The following CLIC5 variants were observed in gnomAD, a reference collection of about 807,000 sequenced individuals.
CLIC5 encodes the protein chloride intracellular channel protein 5.
In CLIC5, 20 loss-of-function variants were observed where a neutral mutation model predicts 24.7. The ratio of observed to expected loss-of-function variants is 0.81; its 90% CI spans 0.57 to 1.18. The LOEUF is 1.18. Ranked by LOEUF, CLIC5 falls within the 50% of genes most tolerant of loss-of-function variation. The pLI is 0.00. For synonymous variants in CLIC5, 159 were observed against 135.6 expected (o/e 1.17, Z -1.20); for missense variants, 341 against 326.1 (o/e 1.05, Z -0.35).
the CLIC5 span, among the ~76,000 whole-genome samples, chr6:46,117,141 T>A: frequency 6.6e-6 from 1 of 152,022 alleles, no homozygotes; most frequent in Non-Finnish European, 1.5e-5. Flanking sequence ...CAGAGCCCCA[T>A]GTTTCATGCA....
intron 1 of CLIC5, among the ~76,000 whole-genome samples, chr6:46,052,694 A>G (rs1768137905): frequency 6.6e-6 from 1 of 152,162 alleles, no homozygotes; most frequent in South Asian, 2.1e-4. Flanking sequence ...TTTGCCAGAC[A>G]GCAGCCAACT....
At chr6:46,096,879 A>G in the CLIC5 span, among the ~76,000 whole-genome samples, 3 of 152,254 alleles carry the variant, frequency 2.0e-5, no homozygotes, top group Non-Finnish European at 2.9e-5. Flanking sequence ...AAACAAATCT[A>G]TAGTTTGTTA....
chr6:46,020,905 A>G (rs888633972), intron 1 of CLIC5, among the ~76,000 whole-genome samples: 5 of 151,956 alleles, frequency 3.3e-5, no homozygotes, highest in African/African-American at 1.2e-4. Context: ...TTTATTAAAC[A>G]TATTAAATTC....
intron 1 of CLIC5, among the ~76,000 whole-genome samples, chr6:46,057,873 A>G (rs1441466623): frequency 6.6e-6 from 1 of 152,126 alleles, no homozygotes; most frequent in Non-Finnish European, 1.5e-5. Flanking sequence ...CTATTTTATG[A>G]ACTACTTGTT....
chr6:45,992,420 T>A (rs188039440), intron 1 of CLIC5, among the ~76,000 whole-genome samples: 32 of 152,308 alleles, frequency 2.1e-4, no homozygotes, highest in Middle Eastern at 3.4e-3. Context: ...CAGTTTATTT[T>A]AAAAAAATAT....
intron 1 of CLIC5, among the ~76,000 whole-genome samples, chr6:46,067,244 C>T (rs538382085): frequency 3.9e-5 from 6 of 152,152 alleles, no homozygotes; most frequent in South Asian, 2.1e-4. Flanking sequence ...CCACAGGACA[C>T]GGAGCTACCG....
rs113759266 is a variant in CLIC5 at position 46,052,709 on chromosome 6, C to T, written c.540+26994G>A. Among the ~76,000 whole-genome samples, 25 of 152,238 alleles carry T rather than the reference C, an allele frequency of 1.6e-4. No homozygotes were observed. The South Asian group carries it at 3.5e-3, about 21-fold the overall frequency. ...TTTGCCAGACAGCAGCCAACTCCCA[C>T]ATCCCAGCTCTGTGCAGTGCACTGG... On this transcript the variant is annotated intron_variant, in intron 1 of 5. Coordinates refer to the CLIC5 transcript ENST00000185206.
At chr6:46,109,978 A>G in the CLIC5 span, among the ~76,000 whole-genome samples, 7 of 152,100 alleles carry the variant, frequency 4.6e-5, no homozygotes, top group Non-Finnish European at 8.8e-5. Context: ...ACCCACCATA[A>G]TCTAAGCCCA....
At chr6:45,895,830 A>C (rs528183669), downstream of CLIC5, among the ~76,000 whole-genome samples, 16 of 152,310 alleles carry the variant, frequency 1.1e-4, no homozygotes, top group Admixed American at 9.2e-4. Context: ...CCACAGACGG[A>C]ATAGTACTGG....
Position 45,914,338 on chromosome 6 carries a change from T to C in CLIC5, c.478A>G (p.Ile160Val). 1 of 1,609,800 alleles carries C rather than the reference T, an allele frequency of 6.2e-7. No individual in the cohort carries two copies. The highest frequency in any genetic ancestry group is 8.5e-7 in the Non-Finnish European group (1 of 1,176,984). ...TCTTCCCCACAAGTGTTGGCGTCAA[T>C]CTCCTCTGGTAGAGGGGTGTTCAGG... Reference protein sequence around the residue: ...DYLNTPLPEEIDANTCGEDKG... With the variant: ...DYLNTPLPEEVDANTCGEDKG... The change falls in exon 5 of 6, where the codon ATT (isoleucine) becomes GTT (valine). Residue 160 changes from isoleucine to valine, a missense_variant. By Grantham distance (29) the Ile-to-Val change is conservative (BLOSUM62 3). Transcript: ENST00000339561.
chr6:46,006,015 TACACACATGTATAA>T (rs1344710706), intron 1 of CLIC5, among the ~76,000 whole-genome samples: 10 of 137,962 alleles, frequency 7.2e-5, no homozygotes, highest in Middle Eastern at 3.8e-3. Context: ...TATATATATA[TACACACATGTATAA>T]ATATATATAC....
the CLIC5 span, among the ~76,000 whole-genome samples, chr6:46,095,512 AC>A: frequency 1.3e-5 from 2 of 152,164 alleles, no homozygotes; most frequent in Non-Finnish European, 2.9e-5. Context: ...TCTGCCAGAT[AC>A]CCTAAATCAT....
the CLIC5 span, among the ~76,000 whole-genome samples, chr6:46,108,744 A>C: frequency 1.3e-5 from 2 of 152,128 alleles, no homozygotes; most frequent in Non-Finnish European, 2.9e-5. Context: ...CTGTCACTCT[A>C]TATGATTTTT....
intron 1 of CLIC5, among the ~76,000 whole-genome samples, chr6:46,077,185 T>C (rs1011416363): frequency 1.3e-4 from 20 of 152,116 alleles, no homozygotes; most frequent in Non-Finnish European, 2.4e-4. Flanking sequence ...AATAAATGAA[T>C]GACATATGTT....
intron 1 of CLIC5, among the ~76,000 whole-genome samples, chr6:45,980,670 T>C (rs1316807864): frequency 6.6e-6 from 1 of 151,678 alleles, no homozygotes; most frequent in Non-Finnish European, 1.5e-5. Context: ...GAATAGAGCA[T>C]GCTGCAAAAT....
At chr6:45,973,341 G>T (rs1765266493) in intron 1 of CLIC5, among the ~76,000 whole-genome samples, 1 of 152,224 alleles carries the variant, frequency 6.6e-6, no homozygotes, top group African/African-American at 2.4e-5. Context: ...TGGCTTAGCA[G>T]TCTGCCTCTG....
intron 1 of CLIC5, among the ~76,000 whole-genome samples, chr6:46,040,615 GT>G (rs1225658080): frequency 2.6e-5 from 4 of 152,216 alleles, no homozygotes; most frequent in Admixed American, 2.6e-4. Context: ...GATGGTGGTG[GT>G]GGATGACGAT....
the CLIC5 span, among the ~76,000 whole-genome samples, chr6:46,121,542 G>C: frequency 6.6e-6 from 1 of 152,256 alleles, no homozygotes; most frequent in South Asian, 2.1e-4. Flanking sequence ...AAAATAACCA[G>C]CTAACATCAT....
At chr6:45,973,501 TTTTG>T (rs144389082) in intron 1 of CLIC5, among the ~76,000 whole-genome samples, 11,989 of 152,274 alleles carry the variant, frequency 0.079, 596 homozygotes, top group Middle Eastern at 0.11. Flanking sequence ...TTGTGGGTGT[TTTTG>T]TTTGTTTGTT....
Sources: allele counts gnomAD v4.1 joint callset (sites outside exome capture counted in the v4.1 genomes callset), GRCh38; gene constraint gnomAD v4.1.1; transcripts MANE v1.5; gene names NCBI Gene and HGNC (gene_info 2026-07-23, HGNC 2026-07-21).